Variants in NDUFS4 observed in about 807,000 individuals in gnomAD.
NDUFS4 encodes the protein NADH:ubiquinone oxidoreductase subunit S4.
A neutral mutation model predicts 24.3 loss-of-function variants in NDUFS4; 28 were observed. The ratio of observed to expected loss-of-function variants is 1.15; its 90% CI spans 0.85 to 1.58. The LOEUF is 1.58. Among genes scored for constraint, NDUFS4 ranks in the 40% most tolerant of loss-of-function variants. The probability of loss-of-function intolerance (pLI) is 0.00; values close to 1 mark genes in which losing one functional copy is unlikely to be tolerated. For synonymous variants in NDUFS4, 93 were observed against 69.7 expected, an observed-to-expected ratio of 1.34 and a Z score of -1.67; for missense variants, 223 against 207.9, an observed-to-expected ratio of 1.07 and a Z score of -0.45.
chr5:53,646,059 C>T (rs1257154894), intron 2 of NDUFS4, 174 bp from the exon 3 acceptor site: 1 of 575,986 alleles, frequency 1.7e-6, no homozygotes, highest in African/African-American at 1.9e-5. Flanking sequence ...TTACAGGTAT[C>T]TAAATAGTAA....
chr5:53,580,021 C>T (rs549410907), intron 1 of NDUFS4, among the ~76,000 whole-genome samples: 22 of 152,280 alleles, frequency 1.4e-4, no homozygotes, highest in African/African-American at 5.1e-4. Flanking sequence ...CAACTTCTGA[C>T]TTCTAGATCT....
At chr5:53,659,217 C>T (rs1752255798) in intron 4 of NDUFS4, among the ~76,000 whole-genome samples, 1 of 152,084 alleles carries the variant, frequency 6.6e-6, no homozygotes, top group Non-Finnish European at 1.5e-5. Context: ...AGCCACCTAA[C>T]ATCATTGGGT....
At chr5:53,560,806 A>C (rs1160172724) in intron 1 of NDUFS4, 46 bp downstream of exon 1, 1 of 1,612,274 alleles carries the variant, frequency 6.2e-7, no homozygotes, top group South Asian at 1.1e-5. Context: ...GGGTCCCTCC[A>C]TTTTTGCGGA....
chr5:53,683,026 T>TAA, intron 4 of NDUFS4, 92 bp from the exon 5 acceptor site: 2 of 843,614 alleles, frequency 2.4e-6, no homozygotes, highest in South Asian at 2.7e-5. Context: ...AACATTAAGT[T>TAA]AAGTTATAAA....
intron 2 of NDUFS4, among the ~76,000 whole-genome samples, chr5:53,642,047 G>A (rs1442775057): frequency 6.6e-6 from 1 of 152,088 alleles, no homozygotes. Flanking sequence ...AAAAGTTTTG[G>A]CTTTTCTGGG....
chr5:53,663,366 G>T (rs1194498513), intron 4 of NDUFS4, among the ~76,000 whole-genome samples: 1 of 152,134 alleles, frequency 6.6e-6, no homozygotes, highest in African/African-American at 2.4e-5. Flanking sequence ...GCAGAGCTGA[G>T]TTCAATTCCT....
chr5:53,676,085 T>C (rs962502344), intron 4 of NDUFS4, among the ~76,000 whole-genome samples: 1 of 152,206 alleles, frequency 6.6e-6, no homozygotes. Context: ...TCATCTGATA[T>C]AAGGGAGCCA....
chr5:53,617,345 CTGTCTTTTGCTGACTA>C (rs1750872080), intron 2 of NDUFS4, among the ~76,000 whole-genome samples: 1 of 152,154 alleles, frequency 6.6e-6, no homozygotes, highest in African/African-American at 2.4e-5. Flanking sequence ...TTTTGACACT[CTGTCTTTTGCTGACTA>C]TGTAGCTGTA....
intron 2 of NDUFS4, among the ~76,000 whole-genome samples, chr5:53,634,385 C>G (rs1751492132): frequency 6.6e-6 from 1 of 152,062 alleles, no homozygotes; most frequent in Admixed American, 6.5e-5. Context: ...AATTTATGTT[C>G]TGGCCCTTTG....
chr5:53,605,750 C>T (rs1178994046), intron 2 of NDUFS4, among the ~76,000 whole-genome samples: 1 of 152,074 alleles, frequency 6.6e-6, no homozygotes, highest in Non-Finnish European at 1.5e-5. Context: ...CGCAGTGGCT[C>T]GTGCCTGTAA....
chr5:53,637,554 T>C (rs1751594047), intron 2 of NDUFS4, among the ~76,000 whole-genome samples: 1 of 152,154 alleles, frequency 6.6e-6, no homozygotes, highest in African/African-American at 2.4e-5. Flanking sequence ...GGGGAGAATT[T>C]TTTCCATTTT....
intron 4 of NDUFS4, among the ~76,000 whole-genome samples, chr5:53,663,488 A>T (rs1217242291): frequency 6.6e-6 from 1 of 152,156 alleles, no homozygotes; most frequent in Non-Finnish European, 1.5e-5. Flanking sequence ...TAGGTCACTC[A>T]GGACTTGCTT....
intron 1 of NDUFS4, among the ~76,000 whole-genome samples, chr5:53,568,993 A>G (rs1749129474): frequency 6.6e-6 from 1 of 152,168 alleles, no homozygotes; most frequent in South Asian, 2.1e-4. Flanking sequence ...GTCCTTGAAT[A>G]GGGCTTACTG....
At chr5:53,585,498 C>A (rs1749719747) in intron 1 of NDUFS4, among the ~76,000 whole-genome samples, 2 of 152,136 alleles carry the variant, frequency 1.3e-5, no homozygotes, top group Non-Finnish European at 2.9e-5. Context: ...GTAATCCCAG[C>A]ACTTTGGGAG....
At chr5:53,600,528 C>T (rs1405256618) in intron 1 of NDUFS4, among the ~76,000 whole-genome samples, 5 of 151,776 alleles carry the variant, frequency 3.3e-5, no homozygotes, top group Middle Eastern at 3.2e-3. Context: ...AGACTGGTCT[C>T]GAACTCCTGA....
intron 3 of NDUFS4, 146 bp downstream of exon 3, chr5:53,646,551 T>C (rs950828623): frequency 5.0e-5 from 39 of 781,446 alleles, no homozygotes; most frequent in South Asian, 7.9e-5. Context: ...TGCTCAAAGA[T>C]ACACATTATA....
intron 2 of NDUFS4, 109 bp downstream of exon 2, chr5:53,603,639 A>G: frequency 1.2e-6 from 1 of 832,080 alleles, no homozygotes; most frequent in Non-Finnish European, 2.0e-6. Context: ...TTTGAATTTG[A>G]ATTTCTAGAT....
chr5:53,560,884 G>C, intron 1 of NDUFS4, 124 bp downstream of exon 1: 5 of 1,548,756 alleles, frequency 3.2e-6, no homozygotes, highest in Non-Finnish European at 2.6e-6. Flanking sequence ...TTTCTCGGGA[G>C]AAGTCGGGCG....
chr5:53,621,211 C>T (rs965528603), intron 2 of NDUFS4, among the ~76,000 whole-genome samples: 1 of 152,066 alleles, frequency 6.6e-6, no homozygotes, highest in African/African-American at 2.4e-5. Context: ...TATCCTGGTG[C>T]TGTTTCTTTT....
Sources: gnomAD v4.1 joint callset for allele counts (sites outside exome capture counted in the v4.1 genomes callset) on GRCh38, gnomAD v4.1.1 for gene constraint, MANE v1.5 for transcripts, NCBI Gene and HGNC (gene_info 2026-07-23, HGNC 2026-07-21) for gene names.